KIAA0753: variants seen among roughly 807,000 people sequenced by gnomAD.
The protein encoded by KIAA0753 is protein moonraker.
In KIAA0753, 114 loss-of-function variants were observed where a neutral mutation model predicts 116.9. That is an observed-to-expected ratio of 0.98 (90% confidence interval 0.84 to 1.14). The LOEUF is 1.14. Ranked by LOEUF, KIAA0753 falls within the 50% of genes most tolerant of loss-of-function variation. The probability of loss-of-function intolerance (pLI) is 0.00; values close to 1 mark genes in which losing one functional copy is unlikely to be tolerated. For synonymous variants in KIAA0753, 405 were observed against 413.1 expected, an observed-to-expected ratio of 0.98 and a Z score of 0.24; for missense variants, 1,156 against 1,172.4, an observed-to-expected ratio of 0.99 and a Z score of 0.20.
chr17:6,610,015 G>C lies in KIAA0753; in HGVS notation c.1691C>G (p.Ser564Cys). 1 of 1,614,084 alleles carries C rather than the reference G, an allele frequency of 6.2e-7. No homozygotes were observed. The highest frequency in any genetic ancestry group is 1.3e-5 in the African/African-American group (1 of 75,040). Residue 564 changes from serine to cysteine, a missense_variant, in exon 9 of 19, where the codon TCC becomes TGC. Ser to Cys is a moderately radical substitution (Grantham distance 112, BLOSUM62 -1). Transcript: ENST00000361413. ...KAPWIPPNPTSPPASPKCAAW... is the reference protein window; with the variant it reads ...KAPWIPPNPTCPPASPKCAAW... ...ATACCATTTAGGAGACGCTGGTGGG[G>C]ATGTGGGGTTTGGGGGTATCCATGG...
intron 6 of KIAA0753, 56 bp downstream of exon 6, chr17:6,622,826 A>C: frequency 7.1e-7 from 1 of 1,415,354 alleles, no homozygotes; most frequent in South Asian, 1.2e-5. Context: ...GAAACTAGGT[A>C]ATAGTAAGCA....
At position 6,628,711 on chromosome 17, in the gene KIAA0753, TAGG is replaced by T. The variant is rs1567586946; in HGVS notation, c.121_123del (p.Pro41del). 1 of 1,609,232 alleles carries T rather than the reference TAGG, an allele frequency of 6.2e-7. No individual in the cohort carries two copies. The highest frequency in any genetic ancestry group is 8.5e-7 in the Non-Finnish European group (1 of 1,177,764). On this transcript the variant is annotated inframe_deletion, in exon 3 of 19. Transcript: ENST00000361413. ...CGGATCGCCAAGTTGCTTGAATGTG[TAGG>T]AACATTCCTATTAAACTGCAGCTGG...
At position 6,635,179 on chromosome 17, in the gene KIAA0753, G is replaced by C. The variant is rs554315456; in HGVS notation, c.-68-8C>G. 1.0e-5 allele frequency: 11 copies of C among 1,092,178 alleles called. No homozygotes were observed. In the East Asian group the frequency reaches 2.4e-4, roughly 23 times the overall value. The allele number at this position is 1,092,178 out of a possible 1,614,324, so 67.7% of individuals were successfully genotyped here. A position where few individuals can be genotyped will look rare whatever the true frequency, so the allele number is the denominator to read the frequency against. On this transcript the variant is annotated splice_polypyrimidine_tract_variant and splice_region_variant and intron_variant, in intron 1 of 18. Transcript: ENST00000361413. ...TCTTCCCTAAAACCATTCCTAAAACGAAACAAAGCTACTTCAGACCAACAG... is the reference window on the plus strand; with the variant it reads ...TCTTCCCTAAAACCATTCCTAAAACCAAACAAAGCTACTTCAGACCAACAG...
At chr17:6,593,425 C>T (rs903413033) in intron 16 of KIAA0753, among the ~76,000 whole-genome samples, 7 of 151,826 alleles carry the variant, frequency 4.6e-5, no homozygotes, top group South Asian at 2.1e-4. Context: ...CCCAGCACTT[C>T]GGGAGGCCGG....
intron 18 of KIAA0753, among the ~76,000 whole-genome samples, chr17:6,585,623 C>T (rs1241192338): frequency 6.6e-6 from 1 of 152,058 alleles, no homozygotes; most frequent in African/African-American, 2.4e-5. Context: ...TCTTTGGATC[C>T]TTCCAGTGAG....
In KIAA0753 at chr17:6,610,017, T is replaced by C; in HGVS notation, c.1689A>G (p.Thr563=). Reference sequence around the variant, plus strand: ...ACCATTTAGGAGACGCTGGTGGGGATGTGGGGTTTGGGGGTATCCATGGTG... The same window carrying C: ...ACCATTTAGGAGACGCTGGTGGGGACGTGGGGTTTGGGGGTATCCATGGTG... ...RKAPWIPPNP[T]SPPASPKCAA... is the part of the protein sequence containing the mutation. The change falls in exon 9 of 19, where the codon ACA becomes ACG. Residue 563 remains threonine (T), a synonymous_variant. Coordinates refer to ENST00000361413, the MANE Select transcript of KIAA0753 (RefSeq NM_014804.3). The C allele has an allele frequency of 6.2e-7, 1 of 1,613,942 alleles. No individual in the cohort carries two copies. Among genetic ancestry groups the C allele is most frequent in the Non-Finnish European group, 8.5e-7 (1 of 1,179,882 alleles).
At chr17:6,618,166 T>C (rs1251871283) in intron 7 of KIAA0753, among the ~76,000 whole-genome samples, 1 of 152,032 alleles carries the variant, frequency 6.6e-6, no homozygotes, top group Non-Finnish European at 1.5e-5. Flanking sequence ...CCCAGGATGG[T>C]GAACATGTGG....
At chr17:6,629,740 T>C (rs1018246898) in intron 2 of KIAA0753, among the ~76,000 whole-genome samples, 7 of 152,216 alleles carry the variant, frequency 4.6e-5, no homozygotes, top group Non-Finnish European at 7.3e-5. Context: ...TCAATGTGTT[T>C]ATATAATTAC....
chr17:6,591,483 T>TA (rs1467372926), intron 16 of KIAA0753, among the ~76,000 whole-genome samples: 2 of 152,208 alleles, frequency 1.3e-5, no homozygotes, highest in African/African-American at 4.8e-5. Flanking sequence ...AAGATCACTT[T>TA]AAATTGGGTT....
chr17:6,580,030 T>A (rs1298735518), intron 18 of KIAA0753, among the ~76,000 whole-genome samples, 166 bp from the exon 19 acceptor site: 1 of 151,550 alleles, frequency 6.6e-6, no homozygotes, highest in Non-Finnish European at 1.5e-5. Flanking sequence ...TAAAAATACA[T>A]AAAATTAGCC....
chr17:6,617,248 T>C (rs1255354020), intron 7 of KIAA0753, among the ~76,000 whole-genome samples: 2 of 152,180 alleles, frequency 1.3e-5, no homozygotes, highest in Non-Finnish European at 1.5e-5. Flanking sequence ...GTGTGGCAGA[T>C]GCTGGGCTCA....
chr17:6,640,384 G>GCTGCTC (rs1194032010), intron 1 of KIAA0753: 1 of 152,840 alleles, frequency 6.5e-6, no homozygotes, highest in Non-Finnish European at 1.5e-5. Flanking sequence ...CGCTCCCTAA[G>GCTGCTC]CTGCTCCACA....
rs780821998 is a variant in KIAA0753 at position 6,596,353 on chromosome 17, G to A, written c.2173-10C>T. ...AATCAACAGCTGCAACCTACAAGAT[G>A]GGGTGGGGTGGGGAGGAGAGGCATG... On this transcript the variant is annotated splice_polypyrimidine_tract_variant and intron_variant, in intron 14 of 18. Coordinates refer to ENST00000361413, the MANE Select transcript of KIAA0753 (RefSeq NM_014804.3). The A allele has an allele frequency of 6.9e-6, 11 of 1,605,072 alleles. No individual in the cohort carries two copies. Among genetic ancestry groups the A allele is most frequent in the Non-Finnish European group, 9.4e-6 (11 of 1,173,214 alleles).
chr17:6,617,980 T>G (rs376135300), intron 7 of KIAA0753, among the ~76,000 whole-genome samples: 12 of 152,274 alleles, frequency 7.9e-5, no homozygotes, highest in East Asian at 5.8e-4. Flanking sequence ...TGCATGCCTG[T>G]AATCCCAGCT....
intron 10 of KIAA0753, among the ~76,000 whole-genome samples, chr17:6,607,583 A>C (rs1379286164): frequency 6.6e-6 from 1 of 152,262 alleles, no homozygotes; most frequent in Non-Finnish European, 1.5e-5. Flanking sequence ...AGTTGAGACA[A>C]ACAATGAGCC....
chr17:6,599,130 G>C, intron 14 of KIAA0753, 107 bp downstream of exon 14: 1 of 751,286 alleles, frequency 1.3e-6, no homozygotes, highest in Non-Finnish European at 2.3e-6. Flanking sequence ...CATACTTCTT[G>C]AGTAGGATAA....
chr17:6,602,204 T>C (rs1969923816), intron 12 of KIAA0753, among the ~76,000 whole-genome samples: 1 of 152,216 alleles, frequency 6.6e-6, no homozygotes, highest in South Asian at 2.1e-4. Context: ...GGATAATGCA[T>C]ATGGCTCATT....
At chr17:6,602,459 C>G (rs1000962173) in intron 12 of KIAA0753, among the ~76,000 whole-genome samples, 9 of 152,216 alleles carry the variant, frequency 5.9e-5, no homozygotes, top group African/African-American at 1.9e-4. Flanking sequence ...TATGCTGATA[C>G]ACACACAATG....
Position 6,612,037 on chromosome 17 carries a change from C to G in KIAA0753, c.1427G>C (p.Ser476Thr). The change falls in exon 8 of 19, where the codon AGT becomes ACT. Residue 476 changes from serine (S) to threonine (T), a missense_variant. Physicochemically the swap from Ser to Thr is moderately conservative, Grantham distance 58. Transcript: ENST00000361413. ...LEEGPFILDQ[S>T]ASFKDEVLAV... Reference sequence around the variant, plus strand: ...TAACACCTCGTCTTTGAAGCTTGCACTTTGGTCTAGAATAAATGGTCCTTC... The same window carrying G: ...TAACACCTCGTCTTTGAAGCTTGCAGTTTGGTCTAGAATAAATGGTCCTTC... The G allele has an allele frequency of 6.2e-7, 1 of 1,614,202 alleles. No individual in the cohort carries two copies.
Sources: gnomAD v4.1 joint callset for allele counts (sites outside exome capture counted in the v4.1 genomes callset) on GRCh38, gnomAD v4.1.1 for gene constraint, MANE v1.5 for transcripts, NCBI Gene and HGNC (gene_info 2026-07-23, HGNC 2026-07-21) for gene names.